The following ARHGAP10 variants were observed in gnomAD, a reference collection of about 807,000 sequenced individuals.
ARHGAP10 encodes Rho GTPase activating protein 10.
In ARHGAP10, 87 loss-of-function variants were observed where a neutral mutation model predicts 108.6. That is an observed-to-expected ratio of 0.80 (90% confidence interval 0.67 to 0.96). ARHGAP10 has a LOEUF of 0.96. Ranked by LOEUF, ARHGAP10 falls within the 40% of genes least tolerant of loss-of-function variation. The pLI is 0.00. For synonymous variants in ARHGAP10, 347 were observed against 341.1 expected, an observed-to-expected ratio of 1.02 and a Z score of -0.19; for missense variants, 939 against 954.5, an observed-to-expected ratio of 0.98 and a Z score of 0.21.
intron 9 of ARHGAP10, among the ~76,000 whole-genome samples, chr4:147,879,944 CAAAG>C (rs1560806406): frequency 6.6e-6 from 1 of 152,174 alleles, no homozygotes; most frequent in Non-Finnish European, 1.5e-5. Context: ...AGCCTGAAAA[CAAAG>C]AAGAGTGATC....
intron 16 of ARHGAP10, among the ~76,000 whole-genome samples, chr4:147,962,443 G>A (rs1406581821): frequency 6.6e-6 from 1 of 152,126 alleles, no homozygotes; most frequent in Non-Finnish European, 1.5e-5. Context: ...TTAAGATATT[G>A]TTTCATTTTG....
At chr4:147,866,653 G>T in intron 6 of ARHGAP10, 59 bp from the exon 7 acceptor site, 1 of 1,270,016 alleles carries the variant, frequency 7.9e-7, no homozygotes, top group African/African-American at 1.5e-5. Flanking sequence ...TTGTTTATAT[G>T]ATTCTTTTTT....
intron 13 of ARHGAP10, among the ~76,000 whole-genome samples, chr4:147,936,393 A>G (rs888153062): frequency 2.1e-5 from 3 of 142,050 alleles, no homozygotes; most frequent in Non-Finnish European, 4.5e-5. Flanking sequence ...CAGTGGCGCA[A>G]TCTCGGCTCA....
intron 13 of ARHGAP10, among the ~76,000 whole-genome samples, chr4:147,925,820 C>G (rs1737439979): frequency 6.6e-6 from 1 of 152,152 alleles, no homozygotes; most frequent in Admixed American, 6.5e-5. Context: ...GTGCTCATTC[C>G]CTGAGCCCTG....
chr4:148,035,670 A>G (rs12331287), intron 19 of ARHGAP10, among the ~76,000 whole-genome samples: 34,550 of 152,066 alleles, frequency 0.23, 5,865 homozygotes, highest in African/African-American at 0.48. Flanking sequence ...TGAGAATTGG[A>G]CTAAGTGGAA....
At chr4:148,056,724 A>G (rs1729379577) in intron 20 of ARHGAP10, among the ~76,000 whole-genome samples, 1 of 152,222 alleles carries the variant, frequency 6.6e-6, no homozygotes, top group Non-Finnish European at 1.5e-5. Context: ...CCAGGATGCC[A>G]TGTTTCTATA....
At chr4:148,041,367 G>C (rs1728626418) in intron 19 of ARHGAP10, among the ~76,000 whole-genome samples, 1 of 152,206 alleles carries the variant, frequency 6.6e-6, no homozygotes, top group African/African-American at 2.4e-5. Context: ...GTAACTGTTA[G>C]GAAATATATT....
intron 1 of ARHGAP10, among the ~76,000 whole-genome samples, chr4:147,783,832 TATA>T (rs1730676347): frequency 1.0e-5 from 1 of 100,104 alleles, no homozygotes; most frequent in African/African-American, 4.3e-5. Context: ...AATTGTGTAT[TATA>T]TTTATATAAC....
intron 13 of ARHGAP10, among the ~76,000 whole-genome samples, chr4:147,936,317 C>CTT (rs765432394): frequency 0.021 from 2,055 of 97,778 alleles, 70 homozygotes; most frequent in South Asian, 0.031. Flanking sequence ...CTTTTCCTCT[C>CTT]TTTTTTTTTT....
At chr4:147,854,900 G>A in intron 4 of ARHGAP10, 1 of 980,360 alleles carries the variant, frequency 1.0e-6, no homozygotes, top group Non-Finnish European at 1.2e-6. Flanking sequence ...ATAAAGGCTT[G>A]ATGTCTCCTT....
At chr4:148,013,919 A>C (rs981606617) in intron 18 of ARHGAP10, among the ~76,000 whole-genome samples, 20 of 152,146 alleles carry the variant, frequency 1.3e-4, no homozygotes, top group African/African-American at 4.8e-4. Flanking sequence ...GGGTATCCTC[A>C]GGACTTTGGG....
intron 1 of ARHGAP10, among the ~76,000 whole-genome samples, chr4:147,758,273 A>G (rs1254527451): frequency 6.6e-6 from 1 of 152,176 alleles, no homozygotes; most frequent in Non-Finnish European, 1.5e-5. Flanking sequence ...CAAAAAAAAA[A>G]AAAAAGATTT....
At chr4:147,736,715 C>T (rs1401589079) in intron 1 of ARHGAP10, among the ~76,000 whole-genome samples, 4 of 152,152 alleles carry the variant, frequency 2.6e-5, no homozygotes, top group Admixed American at 1.3e-4. Flanking sequence ...GGTTCTCAAT[C>T]GTAGCTGCTC....
chr4:147,967,679 C>T (rs28670162), intron 18 of ARHGAP10, among the ~76,000 whole-genome samples: 33 of 152,294 alleles, frequency 2.2e-4, no homozygotes, highest in African/African-American at 6.0e-4. Context: ...GCTACTCTTA[C>T]GATACAACAG....
At chr4:148,030,123 A>G (rs1728076914) in intron 19 of ARHGAP10, among the ~76,000 whole-genome samples, 1 of 152,090 alleles carries the variant, frequency 6.6e-6, no homozygotes, top group Non-Finnish European at 1.5e-5. Context: ...GAGGAAAAAA[A>G]AAAAGCTTAT....
intron 10 of ARHGAP10, among the ~76,000 whole-genome samples, chr4:147,899,626 C>G (rs1004995933): frequency 6.6e-6 from 1 of 151,572 alleles, no homozygotes; most frequent in Non-Finnish European, 1.5e-5. Context: ...CTCGTGTGCT[C>G]TATTAGAAAC....
rs78964327 is a variant in ARHGAP10 at position 147,899,328 on chromosome 4, C to T, written c.1035-7310C>T. ...GCTGGGGTGTGTGTGTGTGTGCATGCGTGTGTGTGTGTGTGTCTGTGTCTG... is the reference window on the plus strand; with the variant it reads ...GCTGGGGTGTGTGTGTGTGTGCATGTGTGTGTGTGTGTGTGTCTGTGTCTG... On this transcript the variant is annotated intron_variant, in intron 10 of 22. Transcript: ENST00000336498. 5.4e-3 allele frequency among the ~76,000 whole-genome samples: 807 copies of T among 150,316 alleles called. 12 individuals carry two copies. The highest frequency in any genetic ancestry group is 0.026 in the East Asian group (132 of 5,128).
intron 13 of ARHGAP10, among the ~76,000 whole-genome samples, chr4:147,935,619 C>T (rs1253758217): frequency 1.3e-5 from 2 of 152,208 alleles, no homozygotes; most frequent in African/African-American, 2.4e-5. Flanking sequence ...GATAAACTCA[C>T]TAATATGCCT....
rs116188652 is a variant in ARHGAP10 at position 147,769,563 on chromosome 4, C to A, written c.154+37108C>A. Among the ~76,000 whole-genome samples, 1,214 of 152,242 alleles carry A rather than the reference C, an allele frequency of 8.0e-3. 11 individuals carry two copies. Among genetic ancestry groups the A allele is most frequent in the African/African-American group, 0.027 (1,142 of 41,540 alleles). On this transcript the variant is annotated intron_variant, in intron 1 of 22. Coordinates refer to ENST00000336498, the MANE Select transcript of ARHGAP10 (RefSeq NM_024605.4). ...GGGGATTTCCGTATGTTAACAAGTT[C>A]TTTCTACAGAGATGATTAATACTTA...
Sources: allele counts gnomAD v4.1 joint callset (sites outside exome capture counted in the v4.1 genomes callset), GRCh38; gene constraint gnomAD v4.1.1; transcripts MANE v1.5; gene names NCBI Gene and HGNC (gene_info 2026-07-23, HGNC 2026-07-21).